The following NEDD4L variants were observed in gnomAD, a reference collection of about 807,000 sequenced individuals.
NEDD4L encodes the protein NEDD4 like E3 ubiquitin protein ligase.
NEDD4L carries 54 observed loss-of-function variants against 148.9 expected under a neutral mutation model. That is an observed-to-expected ratio of 0.36 (90% CI 0.29 to 0.45). The LOEUF is 0.45. Ranked by LOEUF, NEDD4L falls within the 20% of genes least tolerant of loss-of-function variation. The probability of loss-of-function intolerance (pLI) is 1.00; values close to 1 mark genes in which losing one functional copy is unlikely to be tolerated. For synonymous variants in NEDD4L, 433 were observed against 440.7 expected, an observed-to-expected ratio of 0.98 and a Z score of 0.22; for missense variants, 856 against 1,233.8, an observed-to-expected ratio of 0.69 and a Z score of 4.59.
At chr18:58,177,767 T>C (rs2038350715) in intron 2 of NEDD4L, among the ~76,000 whole-genome samples, 1 of 152,276 alleles carries the variant, frequency 6.6e-6, no homozygotes, top group Admixed American at 6.5e-5. Context: ...TTGCCAATGT[T>C]GTATTACTTC....
chr18:58,189,279 A>G (rs2039826548), intron 2 of NEDD4L, among the ~76,000 whole-genome samples: 1 of 152,064 alleles, frequency 6.6e-6, no homozygotes, highest in Non-Finnish European at 1.5e-5. Flanking sequence ...TGCATTCCCC[A>G]CTTGAACTCC....
intron 5 of NEDD4L, among the ~76,000 whole-genome samples, chr18:58,258,902 T>C (rs1023729255): frequency 6.6e-6 from 1 of 152,216 alleles, no homozygotes; most frequent in African/African-American, 2.4e-5. Flanking sequence ...AAGGAAAACA[T>C]TCACTTGGGC....
chr18:58,356,746 T>C (rs1226815688), intron 18 of NEDD4L, among the ~76,000 whole-genome samples: 2 of 152,166 alleles, frequency 1.3e-5, no homozygotes, highest in African/African-American at 4.8e-5. Context: ...TTGAAAGCAG[T>C]TTTTCAACAC....
At chr18:58,302,676 C>T (rs1024807580) in intron 5 of NEDD4L, among the ~76,000 whole-genome samples, 3 of 152,244 alleles carry the variant, frequency 2.0e-5, no homozygotes, top group African/African-American at 4.8e-5. Context: ...TATACCCTGA[C>T]ATCTGAGATA....
At chr18:58,094,658 C>T (rs1342958704) in intron 1 of NEDD4L, among the ~76,000 whole-genome samples, 1 of 152,152 alleles carries the variant, frequency 6.6e-6, no homozygotes, top group Non-Finnish European at 1.5e-5. Context: ...CCTCAGAGCC[C>T]TTCCCCTTCT....
At chr18:58,265,492 T>C (rs1271379122) in intron 5 of NEDD4L, among the ~76,000 whole-genome samples, 2 of 152,024 alleles carry the variant, frequency 1.3e-5, no homozygotes, top group Admixed American at 6.5e-5. Context: ...AGGAATGCAA[T>C]GGATTATTGT....
chr18:58,165,519 T>G (rs1365716480), intron 1 of NEDD4L: 2 of 305,692 alleles, frequency 6.5e-6, no homozygotes, highest in Admixed American at 1.3e-4. Flanking sequence ...TAACTTTAAA[T>G]GGCAGGAGTA....
rs148435313 is a variant in NEDD4L at position 58,370,007 on chromosome 18, C to CT, written c.2186-389dup. ...TCCAGCACCCCATGTGGGCTCTGCA[C>CT]TGCCGGCCCCTTCTCTGGCCTGTCT... On this transcript the variant is annotated intron_variant, in intron 22 of 30. Transcript: ENST00000400345. Among the ~76,000 whole-genome samples the CT allele has an allele frequency of 1.7e-3, 261 of 152,370 alleles. 1 individual carries two copies. Among genetic ancestry groups the CT allele is most frequent in the African/African-American group, 6.0e-3 (249 of 41,596 alleles).
At chr18:58,187,014 G>A (rs867265752) in intron 2 of NEDD4L, among the ~76,000 whole-genome samples, 1 of 152,224 alleles carries the variant, frequency 6.6e-6, no homozygotes, top group Non-Finnish European at 1.5e-5. Context: ...ATGTCTTCAC[G>A]CAGGAAAGTG....
At chr18:58,293,237 G>C (rs563130421) in intron 5 of NEDD4L, among the ~76,000 whole-genome samples, 151 of 152,238 alleles carry the variant, frequency 9.9e-4, no homozygotes, top group African/African-American at 3.4e-3. Context: ...TCAGGTGGGG[G>C]GATAATTGTA....
intron 5 of NEDD4L, among the ~76,000 whole-genome samples, chr18:58,262,553 C>T (rs905235515): frequency 1.3e-5 from 2 of 151,574 alleles, no homozygotes; most frequent in African/African-American, 2.4e-5. Flanking sequence ...CTCTTGAACC[C>T]GGGAGGCGGA....
chr18:58,127,721 G>A (rs1442280850), intron 1 of NEDD4L, among the ~76,000 whole-genome samples: 1 of 151,584 alleles, frequency 6.6e-6, no homozygotes, highest in Non-Finnish European at 1.5e-5. Flanking sequence ...GGTGCTTGTA[G>A]TCCCAGCTAC....
chr18:58,155,046 G>T (rs187420910), intron 1 of NEDD4L, among the ~76,000 whole-genome samples: 52 of 152,294 alleles, frequency 3.4e-4, no homozygotes, highest in African/African-American at 1.3e-3. Flanking sequence ...ATTTAAAAAT[G>T]TATTTTAGAT....
chr18:58,388,747 G>C (rs1158067291), intron 27 of NEDD4L: 1 of 247,556 alleles, frequency 4.0e-6, no homozygotes, highest in African/African-American at 2.2e-5. Flanking sequence ...GAAGCAGCCA[G>C]GGTAATGCAC....
At chr18:58,114,773 C>T (rs952207768) in intron 1 of NEDD4L, among the ~76,000 whole-genome samples, 1 of 152,196 alleles carries the variant, frequency 6.6e-6, no homozygotes, top group Non-Finnish European at 1.5e-5. Context: ...CCTTGCCTTT[C>T]CCAGTTTCTG....
chr18:58,148,163 C>CTTTTTTT (rs58114617), intron 1 of NEDD4L, among the ~76,000 whole-genome samples: 2 of 141,922 alleles, frequency 1.4e-5, no homozygotes. Context: ...CCACACTGTT[C>CTTTTTTT]TTTTTTTTTT....
intron 2 of NEDD4L, among the ~76,000 whole-genome samples, chr18:58,167,990 G>T (rs1228979674): frequency 6.6e-6 from 1 of 152,026 alleles, no homozygotes; most frequent in African/African-American, 2.4e-5. Flanking sequence ...ATTTGTAGTG[G>T]AATTAGGCTC....
At chr18:58,305,934 A>G (rs9947040) in intron 5 of NEDD4L, among the ~76,000 whole-genome samples, 77,607 of 152,024 alleles carry the variant, frequency 0.51, 20,125 homozygotes, top group Middle Eastern at 0.6. Context: ...CCTAGTTAAT[A>G]GTTTGACTTT....
chr18:58,053,693 A>G (rs1269164942), intron 1 of NEDD4L, among the ~76,000 whole-genome samples: 1 of 152,192 alleles, frequency 6.6e-6, no homozygotes, highest in Non-Finnish European at 1.5e-5. Flanking sequence ...GTTTTGGATC[A>G]TGTCTTATAA....
Sources: gnomAD v4.1 joint callset for allele counts (sites outside exome capture counted in the v4.1 genomes callset) on GRCh38, gnomAD v4.1.1 for gene constraint, MANE v1.5 for transcripts, NCBI Gene and HGNC (gene_info 2026-07-23, HGNC 2026-07-21) for gene names.